TMEM64: variants seen among roughly 807,000 people sequenced by gnomAD.
TMEM64 encodes the protein transmembrane protein 64.
TMEM64 carries 19 observed loss-of-function variants against 24.5 expected under a neutral mutation model. The ratio of observed to expected loss-of-function variants is 0.78; its 90% CI spans 0.54 to 1.14. The LOEUF (loss-of-function observed/expected upper bound fraction) is 1.14, where lower values mean the gene tolerates loss of function less well. Among genes scored for constraint, TMEM64 ranks in the 50% most tolerant of loss-of-function variants. The probability of loss-of-function intolerance (pLI) is 0.00; values close to 1 mark genes in which losing one functional copy is unlikely to be tolerated. For synonymous variants in TMEM64, 262 were observed against 224.7 expected, an observed-to-expected ratio of 1.17 and a Z score of -1.49; for missense variants, 487 against 493.0, an observed-to-expected ratio of 0.99 and a Z score of 0.12.
chr8:90,642,015 T>C (rs937609761), intron 1 of TMEM64, among the ~76,000 whole-genome samples: 4 of 152,270 alleles, frequency 2.6e-5, no homozygotes, highest in Middle Eastern at 3.4e-3. Context: ...GTTTCTACCA[T>C]GCATGGGAGA....
chr8:90,643,650 A>C (rs1381379502), intron 1 of TMEM64, among the ~76,000 whole-genome samples: 1 of 152,218 alleles, frequency 6.6e-6, no homozygotes, highest in Non-Finnish European at 1.5e-5. Flanking sequence ...TAACAGAATC[A>C]ATCTATTTAG....
At chr8:90,641,881 T>C (rs1321434547) in intron 1 of TMEM64, among the ~76,000 whole-genome samples, 1 of 152,220 alleles carries the variant, frequency 6.6e-6, no homozygotes, top group Non-Finnish European at 1.5e-5. Context: ...GCAAACTATA[T>C]ATTTTATCAC....
At chr8:90,625,945 A>C in intron 2 of TMEM64, 83 bp from the exon 3 acceptor site, 2 of 1,071,984 alleles carry the variant, frequency 1.9e-6, no homozygotes, top group Non-Finnish European at 2.6e-6. Flanking sequence ...TGGCTTAGAA[A>C]TGCTTCAAAC....
Position 90,645,619 on chromosome 8 carries a change from C to G in TMEM64, c.287G>C (p.Gly96Ala), listed in dbSNP as rs746342445. The change falls in exon 1 of 3, where the codon GGC becomes GCC. Residue 96 changes from glycine (G) to alanine (A), a missense_variant. This residue lies in a region of TMEM64 where 419 missense variants were observed against 407.5 expected (regional missense o/e 1.03). Coordinates refer to ENST00000458549, the MANE Select transcript of TMEM64 (RefSeq NM_001008495.4). This position sits in a 1 kb window ranked among gnomAD's most constrained non-coding sequence, Gnocchi z 4.2. ...GALAGGPGSG[G>A]GGVVVGVAEV... ...AGCCACGCCGACCACCACGCCGCCG[C>G]CGCCACTCCCGGGGCCGCCCGCCAA... 2 of 1,535,478 alleles carry G rather than the reference C, an allele frequency of 1.3e-6. No homozygotes were observed. The highest frequency in any genetic ancestry group is 2.4e-5 in the South Asian group (2 of 83,886).
At position 90,625,519 on chromosome 8, in the gene TMEM64, T is replaced by G. The variant is rs1343820615; in HGVS notation, c.*152A>C. 12 of 622,392 alleles carry G rather than the reference T, an allele frequency of 1.9e-5. No homozygotes were observed. The highest frequency in any genetic ancestry group is 3.1e-5 in the Admixed American group (1 of 32,014). The allele number at this position is 622,392 out of a possible 1,614,324, so 38.6% of individuals were successfully genotyped here. The stretch of plus-strand genomic sequence containing the variant: ...CACTTACATACCCAGAAAATGATTC[T>G]TGCTTTAAAAAAAAAAAATTGTGCA... On this transcript the variant is annotated 3_prime_UTR_variant, in exon 3 of 3. Coordinates refer to ENST00000458549, the MANE Select transcript of TMEM64 (RefSeq NM_001008495.4).
chr8:90,631,599 C>G lies in TMEM64; in HGVS notation c.904G>C (p.Val302Leu). 6.2e-7 allele frequency: 1 copy of G among 1,613,436 alleles called. No homozygotes were observed. Among genetic ancestry groups the G allele is most frequent in the Admixed American group, 1.7e-5 (1 of 60,024 alleles). Residue 302 changes from valine (V) to leucine (L), a missense_variant, in exon 2 of 3, where the codon GTC becomes CTC. Transcript: ENST00000458549. ...CCACTAACACTCTGTTCTGCAATGA[C>G]ATCTTCCATTGTCCGCAGGGTGGTA... ...LGTTLRTMED[V>L]IAEQSVSGYF... is the part of the protein sequence containing the mutation.
chr8:90,628,088 C>T (rs543073396), intron 2 of TMEM64, among the ~76,000 whole-genome samples: 97 of 152,304 alleles, frequency 6.4e-4, no homozygotes, highest in African/African-American at 2.3e-3. Flanking sequence ...AACACACCTT[C>T]CCCATCTTCC....
chr8:90,643,331 ATG>A (rs1455355803), intron 1 of TMEM64, among the ~76,000 whole-genome samples: 1 of 152,214 alleles, frequency 6.6e-6, no homozygotes, highest in Non-Finnish European at 1.5e-5. Flanking sequence ...TATTCATCTC[ATG>A]TAATCTTCTC....
At chr8:90,632,308 C>T (rs1809451460) in intron 1 of TMEM64, among the ~76,000 whole-genome samples, 1 of 151,326 alleles carries the variant, frequency 6.6e-6, no homozygotes, top group Admixed American at 6.6e-5. Flanking sequence ...CGCCACACCG[C>T]TACTTTTTGT....
At position 90,631,672 on chromosome 8, in the gene TMEM64, T is replaced by C. The variant is rs1809441558; in HGVS notation, c.831A>G (p.Ala277=). The C allele has an allele frequency of 6.2e-7, 1 of 1,613,766 alleles. No individual in the cohort carries two copies. The highest frequency in any genetic ancestry group is 1.1e-5 in the South Asian group (1 of 91,056). The change falls in exon 2 of 3, where the codon GCA becomes GCG. Residue 277 remains alanine, a synonymous_variant. Coordinates refer to ENST00000458549, the MANE Select transcript of TMEM64 (RefSeq NM_001008495.4). ...TDLSLPNYLM[A]SSVGLLPTQL... is the part of the protein sequence containing the mutation. ...GGGTAGGAAGCAGTCCAACCGAAGA[T>C]GCCATCAGATAGTTGGGTAATGAGA...
chr8:90,638,428 C>A (rs1438220831), intron 1 of TMEM64, among the ~76,000 whole-genome samples: 2 of 152,162 alleles, frequency 1.3e-5, no homozygotes, highest in Admixed American at 1.3e-4. Context: ...CTCTAGGAAA[C>A]CTTCCCAGAT....
At position 90,624,868 on chromosome 8, in the gene TMEM64, A is replaced by G. The variant is rs953959432; in HGVS notation, c.*803T>C. On this transcript the variant is annotated 3_prime_UTR_variant, in exon 3 of 3. Coordinates refer to ENST00000458549, the MANE Select transcript of TMEM64 (RefSeq NM_001008495.4). ...AAAAAGGAAAAGAGTTTATTTTAAC[A>G]AAATGTTTTAGTAAGATTGCAATGG... 6.6e-6 allele frequency: 1 copy of G among 152,572 alleles called. No homozygotes were observed. The highest frequency in any genetic ancestry group is 1.5e-5 in the Non-Finnish European group (1 of 67,988). The allele number at this position is 152,572 out of a possible 1,614,324, so 9.5% of individuals were successfully genotyped here. A position where few individuals can be genotyped will look rare whatever the true frequency, so the allele number is the denominator to read the frequency against.
At chr8:90,639,007 A>G (rs561318975) in intron 1 of TMEM64, among the ~76,000 whole-genome samples, 222 of 152,212 alleles carry the variant, frequency 1.5e-3, no homozygotes, top group African/African-American at 4.9e-3. Context: ...AATACTAAAA[A>G]TATTTCCAGA....
intron 1 of TMEM64, among the ~76,000 whole-genome samples, chr8:90,632,821 C>T (rs1018281459): frequency 1.3e-5 from 2 of 152,070 alleles, no homozygotes; most frequent in Non-Finnish European, 2.9e-5. Context: ...AAATACCTGG[C>T]ATATGAGTGA....
At chr8:90,641,134 T>G (rs2130509759) in intron 1 of TMEM64, among the ~76,000 whole-genome samples, 1 of 152,252 alleles carries the variant, frequency 6.6e-6, no homozygotes, top group East Asian at 1.9e-4. Flanking sequence ...GTTTTGTTGG[T>G]GTGACTCTAA....
chr8:90,635,736 A>G (rs1470445942), intron 1 of TMEM64, among the ~76,000 whole-genome samples: 11 of 152,232 alleles, frequency 7.2e-5, no homozygotes, highest in African/African-American at 2.4e-4. Context: ...AAATAAAGAA[A>G]ATGAGAACAT....
At chr8:90,626,435 A>G (rs768734980) in intron 2 of TMEM64, among the ~76,000 whole-genome samples, 1 of 152,198 alleles carries the variant, frequency 6.6e-6, no homozygotes, top group Non-Finnish European at 1.5e-5. Context: ...GAAAAAACAA[A>G]ATCAGAGGAA....
rs752503818 is a variant in TMEM64 at position 90,645,140 on chromosome 8, G to A, written c.766C>T (p.Pro256Ser). ...AACACTGCATTCTGAAGCCCAAAAG[G>A]TATGGGTGTCAGTCTGGCCAGCGCC... ...VVALARLTPI[P>S]FGLQNAVFSI... is the part of the protein sequence containing the mutation. Residue 256 changes from proline (P) to serine (S), a missense_variant, in exon 1 of 3, where the codon CCT becomes TCT. Pro to Ser is a moderately conservative substitution (Grantham distance 74). Transcript: ENST00000458549. The surrounding 1 kb of genome is among the most constrained non-coding windows in gnomAD (Gnocchi z 4.2). The A allele has an allele frequency of 3.1e-6, 5 of 1,612,794 alleles. No individual in the cohort carries two copies. The highest frequency in any genetic ancestry group is 4.5e-5 in the East Asian group (2 of 44,840).
intron 1 of TMEM64, among the ~76,000 whole-genome samples, chr8:90,641,210 T>C (rs1809599741): frequency 6.6e-6 from 1 of 152,152 alleles, no homozygotes. Flanking sequence ...CTGTAGGCAG[T>C]AGGGTCTGTA....
Sources: allele counts gnomAD v4.1 joint callset (sites outside exome capture counted in the v4.1 genomes callset), GRCh38; gene constraint gnomAD v4.1.1; regional missense constraint gnomAD v4.1.1; non-coding constraint Gnocchi (gnomAD v3.1); transcripts MANE v1.5; gene names NCBI Gene and HGNC (gene_info 2026-07-23, HGNC 2026-07-21).